ACOXL: variants seen among roughly 807,000 people sequenced by gnomAD.
The protein encoded by ACOXL is acyl-CoA oxidase like.
A neutral mutation model predicts 71.9 loss-of-function variants in ACOXL; 70 were observed. That is an observed-to-expected ratio of 0.97 (90% CI 0.80 to 1.19). ACOXL has a LOEUF of 1.19. Ranked by LOEUF, ACOXL falls within the 50% of genes most tolerant of loss-of-function variation. The pLI is 0.00. For missense variants in ACOXL, 703 were observed against 736.3 expected (o/e 0.95, Z 0.52); for synonymous variants, 253 against 281.6 (o/e 0.90, Z 1.02).
intron 16 of ACOXL, among the ~76,000 whole-genome samples, chr2:111,069,993 A>G (rs1191563770): frequency 1.3e-5 from 2 of 152,008 alleles, no homozygotes; most frequent in African/African-American, 2.4e-5. Flanking sequence ...TGACCCCCCA[A>G]ATAGAAGAAG....
intron 15 of ACOXL, among the ~76,000 whole-genome samples, chr2:111,037,816 C>G (rs2149779574): frequency 6.6e-6 from 1 of 152,300 alleles, no homozygotes; most frequent in East Asian, 1.9e-4. Flanking sequence ...CAACCCCATC[C>G]ACCGCACTCT....
In ACOXL at chr2:110,751,885, A is replaced by G. The variant is rs1679016479; in HGVS notation, c.-22-16483A>G. On this transcript the variant is annotated intron_variant, in intron 1 of 17. Transcript: ENST00000439055. ...ATATTAATTCAATTTAATCTTGTAT[A>G]ACGATGAAAATGAATGAACCACAAC... Among the ~76,000 whole-genome samples, 4 of 152,370 alleles carry G rather than the reference A, an allele frequency of 2.6e-5. No individual in the cohort carries two copies. The South Asian group carries it at 8.3e-4, about 32-fold the overall frequency.
rs147136848 is a variant in ACOXL, at chr2:110,922,291, G to A, written c.906-11198G>A. Among the ~76,000 whole-genome samples, 313 of 152,290 alleles carry A rather than the reference G, an allele frequency of 2.1e-3. 2 individuals are homozygous for A. The highest frequency in any genetic ancestry group is 7.3e-3 in the African/African-American group (304 of 41,570). Reference sequence around the variant, plus strand: ...TGGAAATTTCACAAATAGAAAACAGGCAACAGTGTTATATGATCATGAAAG... The same window carrying A: ...TGGAAATTTCACAAATAGAAAACAGACAACAGTGTTATATGATCATGAAAG... On this transcript the variant is annotated intron_variant, in intron 11 of 17. Coordinates refer to ENST00000439055, the MANE Select transcript of ACOXL (RefSeq NM_001142807.4).
chr2:110,912,143 A>G (rs1170891519), intron 11 of ACOXL, among the ~76,000 whole-genome samples: 1 of 152,126 alleles, frequency 6.6e-6, no homozygotes, highest in Non-Finnish European at 1.5e-5. Context: ...TATATGGAAT[A>G]TATGTTCATG....
chr2:110,849,544 G>A (rs1222540254), intron 10 of ACOXL, among the ~76,000 whole-genome samples: 3 of 152,210 alleles, frequency 2.0e-5, no homozygotes, highest in African/African-American at 7.2e-5. Flanking sequence ...GATCACCTGA[G>A]GTCGGGAGTT....
chr2:110,948,703 TAAAAAAAA>T (rs5833377), intron 12 of ACOXL, among the ~76,000 whole-genome samples: 3 of 70,808 alleles, frequency 4.2e-5, no homozygotes, highest in African/African-American at 2.1e-4. Context: ...CCAGAAGAAC[TAAAAAAAA>T]AAAAAAAAAA....
At chr2:110,917,936 C>G (rs910876604) in intron 11 of ACOXL, among the ~76,000 whole-genome samples, 2 of 152,150 alleles carry the variant, frequency 1.3e-5, no homozygotes, top group African/African-American at 2.4e-5. Context: ...ACATTCCATG[C>G]TTATGTATAG....
intron 12 of ACOXL, among the ~76,000 whole-genome samples, chr2:110,935,607 C>A (rs555079926): frequency 1.3e-5 from 2 of 152,344 alleles, no homozygotes; most frequent in Admixed American, 6.5e-5. Context: ...GCCAGCCCCC[C>A]AGGCACGCTG....
At chr2:110,774,284 G>A (rs1682364428) in intron 2 of ACOXL, among the ~76,000 whole-genome samples, 1 of 152,120 alleles carries the variant, frequency 6.6e-6, no homozygotes, top group South Asian at 2.1e-4. Flanking sequence ...TCTGGGAGGA[G>A]TCAGACTATA....
intron 14 of ACOXL, among the ~76,000 whole-genome samples, chr2:111,010,133 A>C (rs2064078775): frequency 6.6e-6 from 1 of 152,218 alleles, no homozygotes; most frequent in South Asian, 2.1e-4. Flanking sequence ...CAAGAGAAGA[A>C]GACCCCAAAA....
At chr2:110,987,523 A>C (rs2062985470) in intron 13 of ACOXL, among the ~76,000 whole-genome samples, 1 of 152,200 alleles carries the variant, frequency 6.6e-6, no homozygotes, top group East Asian at 1.9e-4. Context: ...CAGATGAGGA[A>C]ACTGAGGCAC....
chr2:111,034,917 A>G (rs1226670104), intron 15 of ACOXL, among the ~76,000 whole-genome samples: 1 of 145,502 alleles, frequency 6.9e-6, no homozygotes, highest in Non-Finnish European at 1.5e-5. Context: ...CTGTTAAAGC[A>G]CAGTCTTTTT....
At chr2:111,000,762 TC>T (rs1325392452) in intron 14 of ACOXL, among the ~76,000 whole-genome samples, 3 of 152,182 alleles carry the variant, frequency 2.0e-5, no homozygotes, top group Non-Finnish European at 4.4e-5. Context: ...TGTTGTCTCT[TC>T]CGCTTATCAG....
chr2:111,089,226 G>A (rs2068388865), intron 16 of ACOXL, among the ~76,000 whole-genome samples: 1 of 152,164 alleles, frequency 6.6e-6, no homozygotes, highest in Non-Finnish European at 1.5e-5. Flanking sequence ...CTTGAACCAG[G>A]GAGGTGGAGG....
intron 12 of ACOXL, among the ~76,000 whole-genome samples, chr2:110,982,351 C>G (rs1330348138): frequency 6.6e-6 from 1 of 152,014 alleles, no homozygotes; most frequent in African/African-American, 2.4e-5. Flanking sequence ...TTGCCCTTCC[C>G]TCTCTTCTCT....
At chr2:110,899,290 G>A (rs553064945) in intron 10 of ACOXL, among the ~76,000 whole-genome samples, 4 of 152,206 alleles carry the variant, frequency 2.6e-5, no homozygotes, top group African/African-American at 7.2e-5. Context: ...ACTCTGAAGT[G>A]CATTTGATTA....
At chr2:110,753,880 GTGT>G (rs1394556894) in intron 1 of ACOXL, among the ~76,000 whole-genome samples, 2 of 152,000 alleles carry the variant, frequency 1.3e-5, no homozygotes, top group Non-Finnish European at 2.9e-5. Flanking sequence ...TCAAAATTTT[GTGT>G]TGTCATTATT....
intron 11 of ACOXL, among the ~76,000 whole-genome samples, chr2:110,927,987 TA>T (rs933752213): frequency 3.3e-5 from 5 of 152,304 alleles, no homozygotes; most frequent in African/African-American, 1.2e-4. Context: ...TTAACAATTT[TA>T]AAAAATCAAT....
chr2:111,046,607 C>G (rs934598603), intron 15 of ACOXL, among the ~76,000 whole-genome samples: 1 of 152,174 alleles, frequency 6.6e-6, no homozygotes, highest in Non-Finnish European at 1.5e-5. Context: ...ATAAAACCAT[C>G]AGATCTCATG....
Sources: allele counts gnomAD v4.1 joint callset (sites outside exome capture counted in the v4.1 genomes callset), GRCh38; gene constraint gnomAD v4.1.1; transcripts MANE v1.5; gene names NCBI Gene and HGNC (gene_info 2026-07-23, HGNC 2026-07-21).